Variants in GABRA3 observed in about 807,000 individuals in gnomAD.
The protein encoded by GABRA3 is gamma-aminobutyric acid receptor subunit alpha-3.
A neutral mutation model predicts 30.1 loss-of-function variants in GABRA3; 10 were observed. The observed-to-expected ratio is 0.33, with a 90% confidence interval of 0.20 to 0.56. The LOEUF (loss-of-function observed/expected upper bound fraction) is 0.56, where lower values mean the gene tolerates loss of function less well. GABRA3 is among the 20% of genes least tolerant of loss of function. GABRA3 has a pLI of 0.89. For synonymous variants in GABRA3, 151 were observed against 146.8 expected (o/e 1.03, Z -0.21); for missense variants, 233 against 392.0 (o/e 0.59, Z 3.42).
intron 3 of GABRA3, among the ~76,000 whole-genome samples, chrX:152,333,273 A>G (rs1443727868): frequency 8.9e-6 from 1 of 112,077 alleles, no homozygotes; most frequent in African/African-American, 3.2e-5. Flanking sequence ...AATTTCAGAA[A>G]AGGAGAACAA....
At chrX:152,195,682 C>G (rs1158805267) in intron 8 of GABRA3, among the ~76,000 whole-genome samples, 3 of 111,862 alleles carry the variant, frequency 2.7e-5, no homozygotes, top group African/African-American at 9.8e-5. Context: ...CATCACATTG[C>G]TTTCTCCTCC....
At chrX:152,347,261 G>A (rs1356625405) in intron 2 of GABRA3, among the ~76,000 whole-genome samples, 1 of 111,757 alleles carries the variant, frequency 8.9e-6, no homozygotes, top group East Asian at 2.8e-4. Flanking sequence ...ATTGCATGCT[G>A]TCATTTATTT....
chrX:152,273,830 A>G (rs1938993126), intron 4 of GABRA3, among the ~76,000 whole-genome samples: 1 of 111,558 alleles, frequency 9.0e-6, no homozygotes, highest in Admixed American at 9.6e-5. Flanking sequence ...AGAACAAAAG[A>G]TATTTATTAC....
At chrX:152,241,310 A>C (rs752549279) in intron 5 of GABRA3, among the ~76,000 whole-genome samples, 1 of 56,394 alleles carries the variant, frequency 1.8e-5, no homozygotes, top group African/African-American at 3.8e-5. Flanking sequence ...TAGGCTGCTC[A>C]GGGGTCAGGG....
At chrX:152,403,572 G>GTGTT (rs1486198134) in intron 1 of GABRA3, among the ~76,000 whole-genome samples, 1 of 40,549 alleles carries the variant, frequency 2.5e-5, no homozygotes, top group African/African-American at 4.9e-5. Context: ...GTGCACACGT[G>GTGTT]TGTGTGTGTG....
At chrX:152,345,260 A>C (rs1239452703) in intron 3 of GABRA3, among the ~76,000 whole-genome samples, 4 of 111,600 alleles carry the variant, frequency 3.6e-5, no homozygotes, top group Non-Finnish European at 7.5e-5. Flanking sequence ...AAATATAGTA[A>C]GTCTAAATCC....
At chrX:152,209,854 C>G (rs899085741) in intron 6 of GABRA3, among the ~76,000 whole-genome samples, 11 of 112,403 alleles carry the variant, frequency 9.8e-5, no homozygotes, top group African/African-American at 3.6e-4. Context: ...TATATCTGTG[C>G]TCTCATAAGC....
chrX:152,432,942 G>A lies in GABRA3; in HGVS notation c.-27+18204C>T, dbSNP rs1172954996. Among the ~76,000 whole-genome samples the A allele has an allele frequency of 2.7e-5, 3 of 110,427 alleles. No homozygotes were observed. The East Asian group carries it at 8.5e-4, about 31-fold the overall frequency. On this transcript the variant is annotated intron_variant, in intron 1 of 9. Coordinates refer to ENST00000370314, the MANE Select transcript of GABRA3 (RefSeq NM_000808.4). ...GCTTAATATTGAATAACCTATCAGTGCAATTCACAGTTCCAAAAAAGATGA... is the reference window on the plus strand; with the variant it reads ...GCTTAATATTGAATAACCTATCAGTACAATTCACAGTTCCAAAAAAGATGA...
At chrX:152,277,145 C>A (rs1939101195) in intron 4 of GABRA3, among the ~76,000 whole-genome samples, 1 of 111,003 alleles carries the variant, frequency 9.0e-6, no homozygotes, top group Non-Finnish European at 1.9e-5. Context: ...TGCCAATAAG[C>A]GGGAGCTTGA....
intron 1 of GABRA3, among the ~76,000 whole-genome samples, chrX:152,441,769 T>C (rs1029630739): frequency 9.2e-6 from 1 of 108,858 alleles, no homozygotes; most frequent in Non-Finnish European, 1.9e-5. Flanking sequence ...TTAAAACAAA[T>C]AGTATTTTAC....
At chrX:152,365,809 C>A (rs1234333380) in intron 1 of GABRA3, among the ~76,000 whole-genome samples, 1 of 111,551 alleles carries the variant, frequency 9.0e-6, no homozygotes, top group Non-Finnish European at 1.9e-5. Flanking sequence ...CTATATTAAG[C>A]TGTCTTCATG....
chrX:152,361,137 T>C (rs1451651181), intron 2 of GABRA3, among the ~76,000 whole-genome samples: 2 of 105,434 alleles, frequency 1.9e-5, no homozygotes, highest in East Asian at 5.9e-4. Context: ...AAACATGCAG[T>C]GATTGTATTG....
At position 152,363,558 on chromosome X, in the gene GABRA3, A is replaced by C. The variant is rs780508410; in HGVS notation, c.140+873T>G. 3.6e-5 allele frequency among the ~76,000 whole-genome samples: 4 copies of C among 111,109 alleles called. No homozygotes were observed. In the East Asian group the frequency reaches 1.1e-3, roughly 32 times the overall value. ...CATTTATGCCCCACTTCTCCTCATG[A>C]GGTCAAATTGAGGCTACACCTTTGC... On this transcript the variant is annotated intron_variant, in intron 2 of 9. Transcript: ENST00000370314.
At chrX:152,370,634 G>A (rs186631485) in intron 1 of GABRA3, among the ~76,000 whole-genome samples, 1 of 111,762 alleles carries the variant, frequency 8.9e-6, no homozygotes, top group Non-Finnish European at 1.9e-5. Flanking sequence ...CCTTAAGCTT[G>A]ACATATAGTA....
chrX:152,224,995 T>C (rs1451490399), intron 5 of GABRA3, 150 bp from the exon 6 acceptor site: 2 of 414,186 alleles, frequency 4.8e-6, no homozygotes, highest in Non-Finnish European at 8.6e-6. Context: ...AAAGGATGGA[T>C]AAAATGAACT....
intron 4 of GABRA3, among the ~76,000 whole-genome samples, chrX:152,258,119 C>A (rs1222359671): frequency 9.0e-6 from 1 of 111,227 alleles, no homozygotes; most frequent in Admixed American, 9.6e-5. Context: ...AGAGCCCCTC[C>A]AAGGACTTCA....
intron 1 of GABRA3, among the ~76,000 whole-genome samples, chrX:152,446,137 G>A (rs1361289195): frequency 8.9e-6 from 1 of 112,160 alleles, no homozygotes; most frequent in Non-Finnish European, 1.9e-5. Flanking sequence ...TCCAACTGAA[G>A]TGTTGGTAGG....
At chrX:152,415,020 G>A (rs1232831562) in intron 1 of GABRA3, among the ~76,000 whole-genome samples, 2 of 111,012 alleles carry the variant, frequency 1.8e-5, no homozygotes, top group Non-Finnish European at 3.8e-5. Context: ...GAGGAAAAGA[G>A]GGAGAGTTAA....
intron 2 of GABRA3, among the ~76,000 whole-genome samples, chrX:152,354,531 C>T (rs1317368521): frequency 9.0e-6 from 1 of 111,170 alleles, no homozygotes; most frequent in Non-Finnish European, 1.9e-5. Context: ...CATATTATGC[C>T]AAGAGAATAT....
Sources: gnomAD v4.1 joint callset for allele counts (sites outside exome capture counted in the v4.1 genomes callset) on GRCh38, gnomAD v4.1.1 for gene constraint, MANE v1.5 for transcripts, NCBI Gene and HGNC (gene_info 2026-07-23, HGNC 2026-07-21) for gene names.